The following HS6ST3 variants were observed in gnomAD, a reference collection of about 807,000 sequenced individuals.
The protein encoded by HS6ST3 is heparan sulfate 6-O-sulfotransferase 3.
A neutral mutation model predicts 36.7 loss-of-function variants in HS6ST3; 12 were observed. The ratio of observed to expected loss-of-function variants is 0.33; its 90% CI spans 0.21 to 0.53. HS6ST3 has a LOEUF of 0.53. Ranked by LOEUF, HS6ST3 falls within the 20% of genes least tolerant of loss-of-function variation. The probability of loss-of-function intolerance (pLI) is 0.95; values close to 1 mark genes in which losing one functional copy is unlikely to be tolerated. For synonymous variants in HS6ST3, 240 were observed against 257.5 expected (o/e 0.93, Z 0.65); for missense variants, 584 against 640.9 (o/e 0.91, Z 0.96).
At chr13:96,623,259 C>A (rs1299539315) in intron 1 of HS6ST3, among the ~76,000 whole-genome samples, 6 of 152,132 alleles carry the variant, frequency 3.9e-5, no homozygotes, top group Non-Finnish European at 7.4e-5. Flanking sequence ...GACAGCATAT[C>A]TGTAAGTATA....
chr13:96,416,497 C>T (rs554504406), intron 1 of HS6ST3, among the ~76,000 whole-genome samples: 2 of 152,142 alleles, frequency 1.3e-5, no homozygotes, highest in South Asian at 4.2e-4. Context: ...ATGGCATTTG[C>T]TATTATTGAT....
chr13:96,344,702 T>C (rs1203627977), intron 1 of HS6ST3, among the ~76,000 whole-genome samples: 1 of 152,220 alleles, frequency 6.6e-6, no homozygotes, highest in African/African-American at 2.4e-5. Context: ...TGTATTTCAC[T>C]TCCTTCATTT....
chr13:96,428,279 G>A (rs975605524), intron 1 of HS6ST3, among the ~76,000 whole-genome samples: 1 of 152,178 alleles, frequency 6.6e-6, no homozygotes, highest in Non-Finnish European at 1.5e-5. Context: ...ACAGGGAGTC[G>A]GAGGTGCAGT....
intron 1 of HS6ST3, among the ~76,000 whole-genome samples, chr13:96,750,859 T>TTTA (rs1269142962): frequency 2.0e-5 from 3 of 152,196 alleles, no homozygotes; most frequent in Admixed American, 1.3e-4. Flanking sequence ...TCAATAGCAT[T>TTTA]TTAGTTTCAA....
intron 1 of HS6ST3, among the ~76,000 whole-genome samples, chr13:96,282,697 T>G (rs542439444): frequency 5.1e-4 from 77 of 152,210 alleles, no homozygotes; most frequent in Non-Finnish European, 9.6e-4. Context: ...GAATAATATG[T>G]AAGTTCTTAG....
chr13:96,645,292 A>G (rs2056584975), intron 1 of HS6ST3, among the ~76,000 whole-genome samples: 1 of 151,892 alleles, frequency 6.6e-6, no homozygotes, highest in Non-Finnish European at 1.5e-5. Flanking sequence ...CAAGAGCAAA[A>G]ACCTGATGTT....
chr13:96,724,918 AT>A (rs1305901005), intron 1 of HS6ST3, among the ~76,000 whole-genome samples: 1 of 152,216 alleles, frequency 6.6e-6, no homozygotes, highest in Non-Finnish European at 1.5e-5. Flanking sequence ...TAGTAGGCAT[AT>A]GTTTAACTTT....
intron 1 of HS6ST3, among the ~76,000 whole-genome samples, chr13:96,556,644 T>C (rs1414622): frequency 0.073 from 11,070 of 152,082 alleles, 454 homozygotes; most frequent in Middle Eastern, 0.095. Flanking sequence ...TTAGGAAAAA[T>C]TATTTGTTTT....
intron 1 of HS6ST3, among the ~76,000 whole-genome samples, chr13:96,554,689 T>A (rs113263462): frequency 6.6e-5 from 10 of 152,240 alleles, no homozygotes; most frequent in African/African-American, 2.2e-4. Flanking sequence ...GCATGGAGCC[T>A]AGGGCCATAG....
intron 1 of HS6ST3, among the ~76,000 whole-genome samples, chr13:96,195,793 C>T (rs1482119212): frequency 6.6e-6 from 1 of 152,080 alleles, no homozygotes; most frequent in African/African-American, 2.4e-5. Flanking sequence ...AATTCAGAGC[C>T]CTTTGTGCCT....
chr13:96,670,156 A>G (rs1197520159), intron 1 of HS6ST3, among the ~76,000 whole-genome samples: 1 of 152,190 alleles, frequency 6.6e-6, no homozygotes, highest in Non-Finnish European at 1.5e-5. Flanking sequence ...AAGAAAAATT[A>G]GAAGCATGTG....
At chr13:96,680,870 G>A (rs1015441095) in intron 1 of HS6ST3, among the ~76,000 whole-genome samples, 1 of 152,210 alleles carries the variant, frequency 6.6e-6, no homozygotes, top group African/African-American at 2.4e-5. Context: ...ATGTGGGTGG[G>A]TGAGAAAGAG....
chr13:96,398,792 G>C (rs577868429), intron 1 of HS6ST3, among the ~76,000 whole-genome samples: 39 of 152,318 alleles, frequency 2.6e-4, no homozygotes, highest in Middle Eastern at 3.4e-3. Flanking sequence ...CCCTCCTGTG[G>C]ATATGATATA....
At chr13:96,831,975 A>AAAAAAAAAAAAC (rs1566464310) in intron 1 of HS6ST3, among the ~76,000 whole-genome samples, 4 of 148,538 alleles carry the variant, frequency 2.7e-5, no homozygotes, top group African/African-American at 1.0e-4. Flanking sequence ...AAAAAAAAAA[A>AAAAAAAAAAAAC]AAAAACAGAG....
At chr13:96,720,227 G>A (rs1875808937) in intron 1 of HS6ST3, among the ~76,000 whole-genome samples, 2 of 152,122 alleles carry the variant, frequency 1.3e-5, no homozygotes, top group African/African-American at 4.8e-5. Flanking sequence ...TGGTTTGTTT[G>A]TGTAGTTTTA....
intron 1 of HS6ST3, among the ~76,000 whole-genome samples, chr13:96,414,231 G>A (rs1158777975): frequency 1.3e-5 from 2 of 152,178 alleles, no homozygotes; most frequent in Non-Finnish European, 2.9e-5. Flanking sequence ...GGCCTTCAGA[G>A]AGAAAATTCA....
rs183029060 is a variant in HS6ST3 at position 96,828,073 on chromosome 13, T to G, written c.708-4417T>G. Among the ~76,000 whole-genome samples, 188 of 152,314 alleles carry G rather than the reference T, an allele frequency of 1.2e-3. 1 individual carries two copies. Among genetic ancestry groups the G allele is most frequent in the Non-Finnish European group, 1.8e-3 (125 of 68,014 alleles). On this transcript the variant is annotated intron_variant, in intron 1 of 1. Coordinates refer to ENST00000376705, the MANE Select transcript of HS6ST3 (RefSeq NM_153456.4). ...TCCCTGCTGACCTTTTGGGAAATTTTCTGACACTGATGGAATTGTCATTCT... is the reference window on the plus strand; with the variant it reads ...TCCCTGCTGACCTTTTGGGAAATTTGCTGACACTGATGGAATTGTCATTCT...
intron 1 of HS6ST3, among the ~76,000 whole-genome samples, chr13:96,590,117 C>T (rs1214052512): frequency 3.3e-5 from 5 of 152,052 alleles, no homozygotes; most frequent in Non-Finnish European, 7.4e-5. Context: ...CACATCTTGG[C>T]TAATGTGAAT....
intron 1 of HS6ST3, among the ~76,000 whole-genome samples, chr13:96,168,139 A>G (rs191752960): frequency 9.9e-4 from 151 of 152,180 alleles, no homozygotes; most frequent in Non-Finnish European, 1.7e-3. Flanking sequence ...ACTAGTCTCT[A>G]TTTATTTTGG....
Sources: allele counts gnomAD v4.1 joint callset (sites outside exome capture counted in the v4.1 genomes callset), GRCh38; gene constraint gnomAD v4.1.1; transcripts MANE v1.5; gene names NCBI Gene and HGNC (gene_info 2026-07-23, HGNC 2026-07-21).